LATS2: variants seen among roughly 807,000 people sequenced by gnomAD.
LATS2 encodes the protein serine/threonine-protein kinase LATS2.
In LATS2, 24 loss-of-function variants were observed where a neutral mutation model predicts 76.0. That is an observed-to-expected ratio of 0.32 (90% CI 0.23 to 0.44). The LOEUF (loss-of-function observed/expected upper bound fraction) is 0.44, where lower values mean the gene tolerates loss of function less well. LATS2 is among the 20% of genes least tolerant of loss of function. The pLI, the probability that LATS2 is intolerant of heterozygous loss-of-function variation, is 1.00. For synonymous variants in LATS2, 692 were observed against 635.4 expected, an observed-to-expected ratio of 1.09 and a Z score of -1.34; for missense variants, 1,286 against 1,481.2, an observed-to-expected ratio of 0.87 and a Z score of 2.16.
intron 2 of LATS2, among the ~76,000 whole-genome samples, chr13:21,016,696 C>T (rs952947061): frequency 6.6e-6 from 1 of 152,200 alleles, no homozygotes; most frequent in East Asian, 1.9e-4. Flanking sequence ...AATACCAAGG[C>T]GCCAAGAGCA....
intron 2 of LATS2, among the ~76,000 whole-genome samples, chr13:21,037,345 A>G (rs1268768627): frequency 2.0e-5 from 3 of 152,338 alleles, no homozygotes; most frequent in Admixed American, 6.5e-5. Flanking sequence ...GGGAGGTTGC[A>G]GTAAGCCAGA....
chr13:20,992,414 G>C (rs756766482), intron 2 of LATS2, among the ~76,000 whole-genome samples: 3 of 152,154 alleles, frequency 2.0e-5, no homozygotes, highest in Admixed American at 2.0e-4. Context: ...AGATGGGGGA[G>C]ACAGAATAGG....
chr13:20,989,211 G>C lies in LATS2; in HGVS notation c.569C>G (p.Pro190Arg), dbSNP rs143535162. 5.5e-4 allele frequency: 882 copies of C among 1,613,840 alleles called. 4 individuals are homozygous for C. The Middle Eastern group carries it at 0.011, about 21-fold the overall frequency. The change falls in exon 4 of 8, where the codon CCC (proline) becomes CGC (arginine). Residue 190 changes from proline (P) to arginine (R), a missense_variant. By Grantham distance (103) the Pro-to-Arg change is moderately radical. Around this residue, in one of 5 missense-constraint regions of LATS2, gnomAD observed 710 missense variants for 660.9 expected, o/e 1.07. Transcript: ENST00000382592. ...FASYHQLSGT[P>R]YEGPSFGADG... is the part of the protein sequence containing the mutation. The stretch of plus-strand genomic sequence containing the variant: ...AGCGCCGAAGCTTGGGCCCTCGTAG[G>C]GGGTACCGCTCAGCTGGTGGTAGGA...
In LATS2 at chr13:20,974,897, A is replaced by C. The variant is rs1869523140; in HGVS notation, c.3240T>G (p.Thr1080=). ...DLESSDLVDQ[T]EGCQPVYV ...ACACGTACACAGGCTGGCAGCCTTC[A>C]GTCTGATCCACCAGATCAGAGCTTT... The change falls in exon 8 of 8, where the codon ACT becomes ACG. Residue 1080 remains threonine (T), a synonymous_variant. Coordinates refer to ENST00000382592, the MANE Select transcript of LATS2 (RefSeq NM_014572.3). 1.2e-6 allele frequency: 2 copies of C among 1,613,608 alleles called. No homozygotes were observed. Among genetic ancestry groups the C allele is most frequent in the African/African-American group, 2.7e-5 (2 of 75,006 alleles).
At chr13:21,035,292 C>T (rs894632123) in intron 2 of LATS2, among the ~76,000 whole-genome samples, 3 of 151,620 alleles carry the variant, frequency 2.0e-5, no homozygotes, top group African/African-American at 7.3e-5. Context: ...TTCATCATAA[C>T]CCTAGTAAAA....
At chr13:21,022,644 G>A (rs1872116288) in intron 2 of LATS2, among the ~76,000 whole-genome samples, 1 of 152,140 alleles carries the variant, frequency 6.6e-6, no homozygotes, top group South Asian at 2.1e-4. Context: ...AGTGCTTTTA[G>A]GAATCCCGCG....
Position 20,988,097 on chromosome 13 carries a change from G to A in LATS2, c.1683C>T (p.Ala561=), listed in dbSNP as rs1411562135. Residue 561 remains alanine (A), a synonymous_variant, in exon 4 of 8, where the codon GCC becomes GCT. Transcript: ENST00000382592. ...PEGGDKSRKS[A]KGDKGGKDKK... is the part of the protein sequence containing the mutation. ...TATCCTTTCCGCCTTTGTCCCCCTT[G>A]GCGCTTTTGCGGCTCTTGTCGCCGC... The A allele has an allele frequency of 6.2e-7, 1 of 1,614,144 alleles. No homozygotes were observed. Among genetic ancestry groups the A allele is most frequent in the Admixed American group, 1.7e-5 (1 of 60,014 alleles).
Position 20,981,454 on chromosome 13 carries a change from T to A in LATS2, c.2665+12A>T. 6.2e-7 allele frequency: 1 copy of A among 1,606,992 alleles called. No individual in the cohort carries two copies. Among genetic ancestry groups the A allele is most frequent in the South Asian group, 1.1e-5 (1 of 90,438 alleles). ...AGACCTCCTGCGGGGTGGCTGGCCA[T>A]GGCGCATGTACCTTTGCGGAGGAGC... On this transcript the variant is annotated intron_variant, in intron 6 of 7. Coordinates refer to ENST00000382592, the MANE Select transcript of LATS2 (RefSeq NM_014572.3).
intron 7 of LATS2, among the ~76,000 whole-genome samples, chr13:20,978,175 A>C (rs1869712654): frequency 6.6e-6 from 1 of 152,066 alleles, no homozygotes; most frequent in African/African-American, 2.4e-5. Context: ...TCCGCCTCCC[A>C]AAGTGCTGGG....
At chr13:20,998,334 CAG>C (rs1171146391) in intron 2 of LATS2, among the ~76,000 whole-genome samples, 1 of 151,774 alleles carries the variant, frequency 6.6e-6, no homozygotes, top group African/African-American at 2.4e-5. Flanking sequence ...GCCTGGGAGA[CAG>C]AGCAAGAGAC....
chr13:21,020,744 G>A (rs1283084133), intron 2 of LATS2, among the ~76,000 whole-genome samples: 1 of 152,144 alleles, frequency 6.6e-6, no homozygotes, highest in Admixed American at 6.6e-5. Flanking sequence ...AAGGCTGTGG[G>A]GACATAAGCT....
At chr13:21,041,949 G>A (rs1275715039) in intron 2 of LATS2, among the ~76,000 whole-genome samples, 1 of 152,170 alleles carries the variant, frequency 6.6e-6, no homozygotes, top group East Asian at 1.9e-4. Context: ...CAACCAGAGA[G>A]AAAACAAGTC....
chr13:20,990,892 A>C lies in LATS2; in HGVS notation c.475+380T>G, dbSNP rs541525254. Among the ~76,000 whole-genome samples, 6 of 152,338 alleles carry C rather than the reference A, an allele frequency of 3.9e-5. 1 individual carries two copies. The highest frequency in any genetic ancestry group is 7.3e-5 in the Non-Finnish European group (5 of 68,028). On this transcript the variant is annotated intron_variant, in intron 3 of 7. Transcript: ENST00000382592. ...GGTGTGTTTTAGAATTGAGGAAAGA[A>C]GCCACCCTTGTCAAAGATCCCTCCA... is the stretch of plus-strand genomic sequence containing the variant.
At chr13:21,020,528 T>C (rs941300739) in intron 2 of LATS2, among the ~76,000 whole-genome samples, 2 of 151,180 alleles carry the variant, frequency 1.3e-5, no homozygotes, top group East Asian at 2.0e-4. Flanking sequence ...ACTAAGGAAA[T>C]GTTAAGGGAA....
At chr13:21,017,816 G>C (rs569702071) in intron 2 of LATS2, among the ~76,000 whole-genome samples, 1 of 152,012 alleles carries the variant, frequency 6.6e-6, no homozygotes, top group Non-Finnish European at 1.5e-5. Flanking sequence ...ACTAGAGATG[G>C]GGTTTCACCA....
At chr13:21,017,147 A>G (rs1016087387) in intron 2 of LATS2, among the ~76,000 whole-genome samples, 2 of 152,212 alleles carry the variant, frequency 1.3e-5, no homozygotes, top group Admixed American at 6.5e-5. Flanking sequence ...AGCGCCTGGC[A>G]CTTGAATGGC....
chr13:21,025,623 T>A (rs569470763), intron 2 of LATS2, among the ~76,000 whole-genome samples: 1 of 152,326 alleles, frequency 6.6e-6, no homozygotes, highest in South Asian at 2.1e-4. Context: ...TATGAAACTC[T>A]GTCTCATCGT....
At chr13:21,036,734 C>T (rs939148406) in intron 2 of LATS2, among the ~76,000 whole-genome samples, 1 of 152,196 alleles carries the variant, frequency 6.6e-6, no homozygotes, top group Non-Finnish European at 1.5e-5. Flanking sequence ...GATGGCACCA[C>T]TGCACTCCAG....
chr13:20,975,619 C>T (rs1411443411), intron 7 of LATS2, among the ~76,000 whole-genome samples: 1 of 152,150 alleles, frequency 6.6e-6, no homozygotes, highest in Non-Finnish European at 1.5e-5. Context: ...ATCAGAAATA[C>T]TGTTTAGCCA....
Sources: allele counts gnomAD v4.1 joint callset (sites outside exome capture counted in the v4.1 genomes callset), GRCh38; gene constraint gnomAD v4.1.1; regional missense constraint gnomAD v4.1.1; transcripts MANE v1.5; gene names NCBI Gene and HGNC (gene_info 2026-07-23, HGNC 2026-07-21).